Variants in ZNF362 observed in about 807,000 individuals in gnomAD.
ZNF362 encodes the protein rotund homolog.
In ZNF362, 11 loss-of-function variants were observed where a neutral mutation model predicts 42.9. That is an observed-to-expected ratio of 0.26 (90% confidence interval 0.16 to 0.42). The LOEUF (loss-of-function observed/expected upper bound fraction) is 0.42, where lower values mean the gene tolerates loss of function less well. Among genes scored for constraint, ZNF362 ranks in the 20% least tolerant of loss-of-function variants. The probability of loss-of-function intolerance (pLI) is 1.00; values close to 1 mark genes in which losing one functional copy is unlikely to be tolerated. For missense variants in ZNF362, 362 were observed against 576.2 expected (o/e 0.63, Z 3.81); for synonymous variants, 255 against 257.3 (o/e 0.99, Z 0.09).
intron 6 of ZNF362, among the ~76,000 whole-genome samples, chr1:33,286,795 G>T (rs1265365384): frequency 6.6e-6 from 1 of 152,080 alleles, no homozygotes; most frequent in African/African-American, 2.4e-5. Context: ...CTACTTATTT[G>T]TCCCTTGGCA....
At chr1:33,207,032 T>G in the ZNF362 span, among the ~76,000 whole-genome samples, 1 of 152,164 alleles carries the variant, frequency 6.6e-6, no homozygotes, top group Non-Finnish European at 1.5e-5. Context: ...ACATGTGCCA[T>G]GTTGGTTTGC....
chr1:33,293,342 G>A (rs1441168305), intron 6 of ZNF362, among the ~76,000 whole-genome samples: 1 of 152,182 alleles, frequency 6.6e-6, no homozygotes, highest in Non-Finnish European at 1.5e-5. Flanking sequence ...GTACGAGCAG[G>A]GAGGGGATGC....
At chr1:33,244,975 G>A in the ZNF362 span, among the ~76,000 whole-genome samples, 1 of 152,248 alleles carries the variant, frequency 6.6e-6, no homozygotes, top group East Asian at 1.9e-4. This position sits in a 1 kb window ranked among gnomAD's most constrained non-coding sequence, Gnocchi z 4.0. Flanking sequence ...CCAGCCCTCA[G>A]CTCTGCAGAA....
the ZNF362 span, among the ~76,000 whole-genome samples, chr1:33,233,959 A>C: frequency 6.6e-6 from 1 of 152,320 alleles, no homozygotes; most frequent in Middle Eastern, 3.4e-3. Context: ...GCAGGAATTA[A>C]ATGAGTTTCT....
At chr1:33,165,451 C>T in the ZNF362 span, 3 of 1,568,474 alleles carry the variant, frequency 1.9e-6, no homozygotes, top group South Asian at 2.3e-5. This position sits in a 1 kb window ranked among gnomAD's most constrained non-coding sequence, Gnocchi z 4.0. Flanking sequence ...GCCCCACCTC[C>T]GCGCCCCGGC....
the ZNF362 span, among the ~76,000 whole-genome samples, chr1:33,197,210 G>C: frequency 1.3e-4 from 20 of 152,168 alleles, no homozygotes; most frequent in Admixed American, 8.5e-4. Flanking sequence ...TTGACTGAAG[G>C]CTGCACTGTT....
At chr1:33,287,438 A>G (rs1464605749) in intron 6 of ZNF362, among the ~76,000 whole-genome samples, 1 of 152,200 alleles carries the variant, frequency 6.6e-6, no homozygotes, top group Non-Finnish European at 1.5e-5. Context: ...GTGAGCTGAG[A>G]TCACGCCACT....
At chr1:33,276,624 C>G in intron 4 of ZNF362, 30 bp downstream of exon 4, 1 of 1,307,778 alleles carries the variant, frequency 7.6e-7, no homozygotes, top group Non-Finnish European at 9.7e-7. Flanking sequence ...CCGGCGGGGC[C>G]GGTGAGGACT....
At chr1:33,154,491 T>C in the ZNF362 span, among the ~76,000 whole-genome samples, 1 of 151,898 alleles carries the variant, frequency 6.6e-6, no homozygotes, top group Non-Finnish European at 1.5e-5. Flanking sequence ...ATCTTTTTTT[T>C]TTCTTAATTA....
the ZNF362 span, among the ~76,000 whole-genome samples, chr1:33,231,432 C>T: frequency 9.2e-5 from 14 of 152,268 alleles, no homozygotes; most frequent in African/African-American, 2.9e-4. Context: ...GACCAAGGCA[C>T]GGAGACGTCA....
chr1:33,257,080 C>T (rs1036944899), intron 1 of ZNF362, among the ~76,000 whole-genome samples: 2 of 152,166 alleles, frequency 1.3e-5, no homozygotes, highest in African/African-American at 4.8e-5. Context: ...GCAGCCAGTG[C>T]CGGATTTCTC....
chr1:33,188,988 G>T, the ZNF362 span, among the ~76,000 whole-genome samples: 1 of 152,144 alleles, frequency 6.6e-6, no homozygotes, highest in Non-Finnish European at 1.5e-5. Context: ...CTCTTCACGA[G>T]TCCCTGAGCA....
In ZNF362 at chr1:33,281,883, G is replaced by C; in HGVS notation, c.908+72G>C. On this transcript the variant is annotated intron_variant, in intron 6 of 8. Coordinates refer to ENST00000539719, the MANE Select transcript of ZNF362 (RefSeq NM_152493.3). The surrounding 1 kb of genome is among the most constrained non-coding windows in gnomAD (Gnocchi z 4.8). ...ACCCGTGGCCTGGCACATGGAGCCA[G>C]TGCAAGGAGGGGCAAGGACCTTCTC... The C allele has an allele frequency of 5.2e-6, 8 of 1,524,880 alleles. No homozygotes were observed. The highest frequency in any genetic ancestry group is 1.8e-6 in the Non-Finnish European group (2 of 1,109,456). The allele number at this position is 1,524,880 out of a possible 1,614,324, so 94.5% of individuals were successfully genotyped here.
chr1:33,175,001 G>GTATTTATATGTATATGTATATGTA, the ZNF362 span, among the ~76,000 whole-genome samples: 13,038 of 135,442 alleles, frequency 0.096, 942 homozygotes, highest in Middle Eastern at 0.16. Context: ...ACACACACAT[G>GTATTTATATGTATATGTATATGTA]TATGTATATG....
At chr1:33,168,233 C>T in the ZNF362 span, among the ~76,000 whole-genome samples, 9 of 152,254 alleles carry the variant, frequency 5.9e-5, no homozygotes, top group South Asian at 1.9e-3. Context: ...CTCTGGCAGC[C>T]ATCTCAGGCC....
chr1:33,265,402 C>G (rs893055886), intron 1 of ZNF362, among the ~76,000 whole-genome samples: 1 of 152,166 alleles, frequency 6.6e-6, no homozygotes, highest in East Asian at 2.0e-4. Flanking sequence ...ACCCCTCCTG[C>G]TCTGATTAGC....
intron 2 of ZNF362, 98 bp from the exon 3 acceptor site, chr1:33,276,002 A>C: frequency 7.2e-7 from 1 of 1,381,512 alleles, no homozygotes; most frequent in Non-Finnish European, 1.0e-6. Context: ...CATGGATCCC[A>C]GACACTGGCC....
the ZNF362 span, chr1:33,165,403 T>A: frequency 1.5e-6 from 2 of 1,368,006 alleles, no homozygotes; most frequent in Non-Finnish European, 2.0e-6. This position sits in a 1 kb window ranked among gnomAD's most constrained non-coding sequence, Gnocchi z 4.0. Flanking sequence ...CTTCCCCAGC[T>A]GGCCCCGCCC....
At chr1:33,197,455 A>G in the ZNF362 span, among the ~76,000 whole-genome samples, 3 of 152,190 alleles carry the variant, frequency 2.0e-5, no homozygotes, top group Non-Finnish European at 2.9e-5. Flanking sequence ...TTTCAGCTCC[A>G]TTGTAATCTT....
Sources: allele counts gnomAD v4.1 joint callset (sites outside exome capture counted in the v4.1 genomes callset), GRCh38; gene constraint gnomAD v4.1.1; non-coding constraint Gnocchi (gnomAD v3.1); transcripts MANE v1.5; gene names NCBI Gene and HGNC (gene_info 2026-07-23, HGNC 2026-07-21).